Variants in TMTC2 observed in about 807,000 individuals in gnomAD.
TMTC2 encodes transmembrane O-mannosyltransferase targeting cadherins 2.
Under a neutral mutation model 82.4 loss-of-function variants are expected in TMTC2, and 43 were observed. The observed-to-expected ratio is 0.52, with a 90% CI of 0.41 to 0.67. The LOEUF (loss-of-function observed/expected upper bound fraction) is 0.67, where lower values mean the gene tolerates loss of function less well. Among genes scored for constraint, TMTC2 ranks in the 30% least tolerant of loss-of-function variants. TMTC2 has a pLI of 0.00. For synonymous variants in TMTC2, 408 were observed against 381.9 expected, an observed-to-expected ratio of 1.07 and a Z score of -0.80; for missense variants, 919 against 1,012.4, an observed-to-expected ratio of 0.91 and a Z score of 1.25.
chr12:82,889,113 C>T (rs948049420), intron 2 of TMTC2, among the ~76,000 whole-genome samples: 10 of 151,868 alleles, frequency 6.6e-5, no homozygotes, highest in Admixed American at 3.9e-4. Context: ...CCGGTCTCTA[C>T]TAAAAATACA....
intron 2 of TMTC2, among the ~76,000 whole-genome samples, chr12:82,870,066 CTA>C (rs1383449301): frequency 2.0e-5 from 3 of 152,088 alleles, no homozygotes. Context: ...AGACTGGAGA[CTA>C]GTATTGGAAT....
chr12:83,083,065 G>A (rs982010879), intron 11 of TMTC2, among the ~76,000 whole-genome samples: 41 of 152,172 alleles, frequency 2.7e-4, no homozygotes, highest in African/African-American at 9.2e-4. Flanking sequence ...AAAGGAGGTG[G>A]TAATATGATA....
chr12:83,037,394 T>C (rs1308957192), intron 9 of TMTC2, among the ~76,000 whole-genome samples: 2 of 152,164 alleles, frequency 1.3e-5, no homozygotes, highest in Non-Finnish European at 2.9e-5. Context: ...AATTTTTTAA[T>C]TACATAATGA....
At chr12:82,712,156 G>A (rs1873656973) in intron 1 of TMTC2, among the ~76,000 whole-genome samples, 1 of 152,190 alleles carries the variant, frequency 6.6e-6, no homozygotes, top group Non-Finnish European at 1.5e-5. Flanking sequence ...CCTTGGCTGG[G>A]TGCAATGGCT....
At chr12:82,832,563 G>A (rs971162524) in intron 1 of TMTC2, among the ~76,000 whole-genome samples, 1 of 152,074 alleles carries the variant, frequency 6.6e-6, no homozygotes, top group East Asian at 1.9e-4. Flanking sequence ...ATTGTCTGGA[G>A]TGTATCTTCC....
At chr12:82,979,240 T>G (rs987312194) in intron 7 of TMTC2, among the ~76,000 whole-genome samples, 1 of 151,736 alleles carries the variant, frequency 6.6e-6, no homozygotes, top group African/African-American at 2.4e-5. Context: ...CTGGTCATTT[T>G]GTGGTCTTCT....
intron 9 of TMTC2, among the ~76,000 whole-genome samples, chr12:83,041,539 GA>G (rs1272046261): frequency 3.3e-5 from 5 of 151,846 alleles, no homozygotes; most frequent in Admixed American, 6.6e-5. Context: ...TTAAAAATAT[GA>G]AAAAAATTTT....
At position 82,869,013 on chromosome 12, in the gene TMTC2, A is replaced by G. The variant is rs143562940; in HGVS notation, c.654+11433A>G. 4.1e-3 allele frequency among the ~76,000 whole-genome samples: 629 copies of G among 152,300 alleles called. 2 individuals are homozygous for G. The highest frequency in any genetic ancestry group is 5.5e-3 in the Non-Finnish European group (374 of 68,026). ...GACCAAATTATTTTTACAGAATCCT[A>G]TATCTTGGTAACTTTGGCTTACTGA... On this transcript the variant is annotated intron_variant, in intron 2 of 11. Coordinates refer to ENST00000321196, the MANE Select transcript of TMTC2 (RefSeq NM_152588.3).
chr12:83,058,208 C>T (rs535849249), intron 10 of TMTC2, among the ~76,000 whole-genome samples: 2 of 151,894 alleles, frequency 1.3e-5, no homozygotes, highest in South Asian at 4.2e-4. Context: ...AAATGGAATT[C>T]CGCAGTACGC....
intron 1 of TMTC2, among the ~76,000 whole-genome samples, chr12:82,754,248 A>G: frequency 6.6e-6 from 1 of 152,206 alleles, no homozygotes; most frequent in East Asian, 1.9e-4. Context: ...TCATATCAAT[A>G]GTTTAATTCA....
rs1876454677 is a variant in TMTC2 at position 82,937,786 on chromosome 12, A to ATATG, written c.1598+7244_1598+7245insGTAT. Among the ~76,000 whole-genome samples the ATATG allele has an allele frequency of 2.0e-3, 46 of 23,138 alleles. 2 individuals are homozygous for ATATG. The highest frequency in any genetic ancestry group is 5.3e-3 in the Admixed American group (10 of 1,876). The allele number at this position is 23,138 out of a possible 152,430, so 15.2% of individuals were successfully genotyped here. The stretch of plus-strand genomic sequence containing the variant: ...TATATATATATATATATATATATAT[A>ATATG]TATATATATACACACATATATATAT... On this transcript the variant is annotated intron_variant, in intron 4 of 11. Coordinates refer to ENST00000321196, the MANE Select transcript of TMTC2 (RefSeq NM_152588.3).
At chr12:82,922,197 A>G (rs1300988965) in intron 3 of TMTC2, among the ~76,000 whole-genome samples, 3 of 152,202 alleles carry the variant, frequency 2.0e-5, no homozygotes, top group African/African-American at 7.2e-5. Flanking sequence ...TTGCACTTTT[A>G]AAAGATTATA....
At chr12:82,937,776 A>ATATATGTGTG (rs1876446133) in intron 4 of TMTC2, among the ~76,000 whole-genome samples, 1 of 23,170 alleles carries the variant, frequency 4.3e-5, no homozygotes, top group African/African-American at 1.3e-4. Flanking sequence ...ATATATATAT[A>ATATATGTGTG]TATATATATA....
intron 8 of TMTC2, among the ~76,000 whole-genome samples, chr12:83,024,380 A>C (rs1347885922): frequency 6.6e-6 from 1 of 152,232 alleles, no homozygotes; most frequent in South Asian, 2.1e-4. Context: ...CAAACTACAC[A>C]TAAGCTTTTG....
At chr12:82,806,091 A>T (rs554914647) in intron 1 of TMTC2, among the ~76,000 whole-genome samples, 2 of 152,240 alleles carry the variant, frequency 1.3e-5, no homozygotes, top group African/African-American at 4.8e-5. Context: ...CTGTGGAAGC[A>T]TCTAGAGGGG....
chr12:83,016,614 G>C (rs1250516496), intron 8 of TMTC2, among the ~76,000 whole-genome samples: 1 of 152,096 alleles, frequency 6.6e-6, no homozygotes, highest in Non-Finnish European at 1.5e-5. Context: ...CATATAGTAG[G>C]TACTCTCTAA....
intron 1 of TMTC2, among the ~76,000 whole-genome samples, chr12:82,842,814 CTG>C (rs1870412555): frequency 6.6e-6 from 1 of 152,182 alleles, no homozygotes; most frequent in Admixed American, 6.5e-5. Flanking sequence ...TCTGATGTCT[CTG>C]TGTGTGTCCA....
rs552664585 is a variant in TMTC2 at position 82,864,099 on chromosome 12, A to T, written c.654+6519A>T. ...CAGCATGAGCATTACACAGAGGAAA[A>T]CTCACAGAAAATTACTGGGTACCAT... is the stretch of plus-strand genomic sequence containing the variant. On this transcript the variant is annotated intron_variant, in intron 2 of 11. Coordinates refer to ENST00000321196, the MANE Select transcript of TMTC2 (RefSeq NM_152588.3). Among the ~76,000 whole-genome samples the T allele has an allele frequency of 2.6e-5, 4 of 152,140 alleles. No individual in the cohort carries two copies. The South Asian group carries it at 8.3e-4, about 32-fold the overall frequency.
intron 11 of TMTC2, among the ~76,000 whole-genome samples, chr12:83,118,199 G>T (rs1217718693): frequency 6.6e-6 from 1 of 152,028 alleles, no homozygotes; most frequent in Non-Finnish European, 1.5e-5. Flanking sequence ...AGGACTTCCA[G>T]TACTGTGTTA....
Sources: gnomAD v4.1 joint callset for allele counts (sites outside exome capture counted in the v4.1 genomes callset) on GRCh38, gnomAD v4.1.1 for gene constraint, MANE v1.5 for transcripts, NCBI Gene and HGNC (gene_info 2026-07-23, HGNC 2026-07-21) for gene names.